NCAM1: variants seen among roughly 807,000 people sequenced by gnomAD.
The protein encoded by NCAM1 is neural cell adhesion molecule 1, also known as antigen recognized by monoclonal antibody 5.1H11.
In NCAM1, 14 loss-of-function variants were observed where a neutral mutation model predicts 109.8. The ratio of observed to expected loss-of-function variants is 0.13; its 90% CI spans 0.08 to 0.20. The LOEUF is 0.20. Among genes scored for constraint, NCAM1 ranks in the 10% least tolerant of loss-of-function variants. NCAM1 has a pLI of 1.00. For missense variants in NCAM1, 774 were observed against 1,109.9 expected (o/e 0.70, Z 4.30); for synonymous variants, 418 against 442.9 (o/e 0.94, Z 0.70).
At chr11:113,031,686 CA>C (rs35745699) in intron 1 of NCAM1, among the ~76,000 whole-genome samples, 5 of 130,846 alleles carry the variant, frequency 3.8e-5, no homozygotes, top group Admixed American at 7.6e-5. Flanking sequence ...GAGACTGTCT[CA>C]AAAAAAAAAG....
chr11:113,202,733 T>G (rs1267926160), intron 2 of NCAM1, among the ~76,000 whole-genome samples: 2 of 152,222 alleles, frequency 1.3e-5, no homozygotes, highest in Non-Finnish European at 2.9e-5. Flanking sequence ...ACTTCCAGAA[T>G]AGTGAATCAT....
rs570733269 is a variant in NCAM1, at chr11:113,026,389, G to A, written c.52+64725G>A. The stretch of plus-strand genomic sequence containing the variant: ...TCCCCAGGATTTTATATTTTTTGAG[G>A]AAACGGAATGTCTCTGTCATACACA... On this transcript the variant is annotated intron_variant, in intron 1 of 19. Coordinates refer to ENST00000316851, the MANE Select transcript of NCAM1 (RefSeq NM_181351.5). 1.5e-4 allele frequency among the ~76,000 whole-genome samples: 23 copies of A among 152,242 alleles called. No homozygotes were observed. The South Asian group carries it at 2.5e-3, about 16-fold the overall frequency.
chr11:112,987,315 A>G (rs548602223), intron 1 of NCAM1, among the ~76,000 whole-genome samples: 2 of 152,212 alleles, frequency 1.3e-5, no homozygotes, highest in East Asian at 3.9e-4. Context: ...GGCCTAACAT[A>G]TGGTCTGTCC....
rs142447171 is a variant in NCAM1 at position 113,273,665 on chromosome 11, C to T, written c.2457-1602C>T. 1.3e-5 allele frequency: 6 copies of T among 456,082 alleles called. No homozygotes were observed. Among genetic ancestry groups the T allele is most frequent in the Admixed American group, 2.4e-5 (1 of 42,542 alleles). 28.3% of individuals were successfully genotyped at this position (456,082 alleles called of 1,614,324 possible). A position where few individuals can be genotyped will look rare whatever the true frequency, so the allele number is the denominator to read the frequency against. On this transcript the variant is annotated intron_variant, in intron 19 of 19. Transcript: ENST00000316851. This position sits in a 1 kb window ranked among gnomAD's most constrained non-coding sequence, Gnocchi z 6.0. ...TTGCAGCCCTGGGCTCTCCTGCTCC[C>T]GCCGCTGGGGCCAGTGGACAAGCCC...
intron 1 of NCAM1, among the ~76,000 whole-genome samples, chr11:113,189,279 G>A (rs1272970031): frequency 1.3e-5 from 2 of 151,720 alleles, no homozygotes; most frequent in Non-Finnish European, 2.9e-5. Flanking sequence ...GTGAAACCCC[G>A]TCTGTACTAA....
At chr11:113,131,726 C>A (rs1941391645) in intron 1 of NCAM1, among the ~76,000 whole-genome samples, 1 of 152,160 alleles carries the variant, frequency 6.6e-6, no homozygotes, top group South Asian at 2.1e-4. Context: ...ACGTCCCCAG[C>A]CAGGCAGCTG....
intron 1 of NCAM1, among the ~76,000 whole-genome samples, chr11:113,009,312 G>GTTTTTTTGTTGTTTTTTTTTTTT (rs1555073910): frequency 4.5e-4 from 36 of 79,688 alleles, no homozygotes; most frequent in East Asian, 2.1e-3. Flanking sequence ...GTTTTTTCGG[G>GTTTTTTTGTTGTTTTTTTTTTTT]TTTTTTTTTT....
At chr11:113,012,015 T>TTCCTTC (rs1555074534) in intron 1 of NCAM1, among the ~76,000 whole-genome samples, 5,129 of 97,252 alleles carry the variant, frequency 0.053, 208 homozygotes, top group African/African-American at 0.069. Context: ...TTCCTTCCTT[T>TTCCTTC]CTTTCCTCTT....
chr11:113,206,311 C>T (rs1307995523), intron 5 of NCAM1, 131 bp downstream of exon 5: 11 of 915,916 alleles, frequency 1.2e-5, no homozygotes, highest in African/African-American at 1.0e-4. Context: ...TGAGCTAAAT[C>T]CCCTCCCCAC....
chr11:113,027,466 T>A (rs1433384360), intron 1 of NCAM1, among the ~76,000 whole-genome samples: 2 of 152,196 alleles, frequency 1.3e-5, no homozygotes, highest in Non-Finnish European at 2.9e-5. Context: ...CTACTCAATA[T>A]TAGGTTAATT....
intron 1 of NCAM1, among the ~76,000 whole-genome samples, chr11:113,129,966 A>G (rs1042119042): frequency 5.9e-5 from 9 of 152,322 alleles, no homozygotes; most frequent in Admixed American, 2.0e-4. Flanking sequence ...TAATGTTATT[A>G]TCACGTTTTT....
At chr11:113,046,172 A>G (rs1953260750) in intron 1 of NCAM1, among the ~76,000 whole-genome samples, 1 of 152,214 alleles carries the variant, frequency 6.6e-6, no homozygotes, top group Non-Finnish European at 1.5e-5. Flanking sequence ...TCATAACATT[A>G]TTGAGTGTCC....
chr11:113,046,941 G>C (rs1042830567), intron 1 of NCAM1, among the ~76,000 whole-genome samples: 3 of 152,202 alleles, frequency 2.0e-5, no homozygotes, highest in African/African-American at 4.8e-5. Context: ...TAGATCAATG[G>C]ATAAACAGCT....
At chr11:113,085,331 A>G (rs1245111) in intron 1 of NCAM1, among the ~76,000 whole-genome samples, 126,644 of 152,130 alleles carry the variant, frequency 0.83, 53,064 homozygotes, top group African/African-American at 0.93. Flanking sequence ...GATTGCAGTT[A>G]TTATGAGCCT....
Position 113,275,637 on chromosome 11 carries a change from A to C in NCAM1, c.*250A>C. 2.6e-6 allele frequency: 1 copy of C among 389,420 alleles called. No individual in the cohort carries two copies. The highest frequency in any genetic ancestry group is 4.5e-6 in the Non-Finnish European group (1 of 224,090). 24.1% of individuals were successfully genotyped at this position (389,420 alleles called of 1,614,324 possible). On this transcript the variant is annotated 3_prime_UTR_variant, in exon 20 of 20. Coordinates refer to ENST00000316851, the MANE Select transcript of NCAM1 (RefSeq NM_181351.5). ...CTCACTTGTAAGAAAATGAGACAAA[A>C]AGGTTAAACCCACAGCCAAACTAGG...
At chr11:113,275,200 C>A in intron 19 of NCAM1, 67 bp from the exon 20 acceptor site, 1 of 1,595,150 alleles carries the variant, frequency 6.3e-7, no homozygotes. Flanking sequence ...TCCCCAAGGC[C>A]TGGATGCAGG....
intron 15 of NCAM1, among the ~76,000 whole-genome samples, chr11:113,255,552 T>G (rs17115279): frequency 0.077 from 11,347 of 147,996 alleles, 547 homozygotes; most frequent in African/African-American, 0.13. Context: ...AAATCTTCAG[T>G]TGTAAGACCA....
chr11:113,188,598 AT>A (rs1275243451), intron 1 of NCAM1, among the ~76,000 whole-genome samples: 10 of 152,328 alleles, frequency 6.6e-5, no homozygotes, highest in African/African-American at 2.4e-4. Context: ...TGTCAGTCCA[AT>A]TTGGAATAGA....
At chr11:113,083,716 A>T (rs1938951024) in intron 1 of NCAM1, among the ~76,000 whole-genome samples, 1 of 152,184 alleles carries the variant, frequency 6.6e-6, no homozygotes, top group Non-Finnish European at 1.5e-5. Context: ...GCAAGTCCAG[A>T]GCAGAGCCTG....
Sources: allele counts gnomAD v4.1 joint callset (sites outside exome capture counted in the v4.1 genomes callset), GRCh38; gene constraint gnomAD v4.1.1; non-coding constraint Gnocchi (gnomAD v3.1); transcripts MANE v1.5; gene names NCBI Gene and HGNC (gene_info 2026-07-23, HGNC 2026-07-21).